BLTP1: variants seen among roughly 807,000 people sequenced by gnomAD.
BLTP1 encodes the protein bridge-like lipid transfer protein family member 1, also known as fragile site-associated protein.
the BLTP1 span, chr4:122,277,572 A>G: frequency 1.0e-6 from 1 of 958,630 alleles, no homozygotes; most frequent in Non-Finnish European, 1.2e-6. Flanking sequence ...GAAATCAAGA[A>G]AGATCGTATC....
At chr4:122,289,349 A>T in the BLTP1 span, 1 of 454,352 alleles carries the variant, frequency 2.2e-6, no homozygotes, top group South Asian at 9.3e-5. Flanking sequence ...TGGCTTTTCC[A>T]CCTACAGTGT....
At chr4:122,352,605 C>T in the BLTP1 span, among the ~76,000 whole-genome samples, 1 of 152,134 alleles carries the variant, frequency 6.6e-6, no homozygotes. Flanking sequence ...AATGATCCAC[C>T]CGCTACGGCT....
chr4:122,296,394 A>AGC, the BLTP1 span, among the ~76,000 whole-genome samples: 1 of 152,224 alleles, frequency 6.6e-6, no homozygotes, highest in Non-Finnish European at 1.5e-5. Flanking sequence ...AGAACTACAA[A>AGC]GCACTGCTCA....
chr4:122,189,171 C>CTTGT, the BLTP1 span: 16,974 of 810,884 alleles, frequency 0.021, 1,180 homozygotes, highest in African/African-American at 0.2. Context: ...GTATTTTTCA[C>CTTGT]TTAAGTGTGG....
the BLTP1 span, chr4:122,205,001 T>G: frequency 1.3e-5 from 2 of 156,452 alleles, no homozygotes; most frequent in African/African-American, 4.8e-5. Context: ...TCATTAATAT[T>G]AATTTGTGAT....
the BLTP1 span, chr4:122,167,652 A>G: frequency 3.0e-6 from 3 of 985,204 alleles, no homozygotes; most frequent in South Asian, 1.4e-4. Flanking sequence ...TATGCTCCTC[A>G]TCTCACTCTG....
At chr4:122,190,376 A>T in the BLTP1 span, 3 of 949,322 alleles carry the variant, frequency 3.2e-6, no homozygotes, top group Non-Finnish European at 3.8e-6. Context: ...GATTGTAGTC[A>T]TGAGCCCATG....
At chr4:122,268,597 T>C in the BLTP1 span, among the ~76,000 whole-genome samples, 1 of 152,198 alleles carries the variant, frequency 6.6e-6, no homozygotes, top group Non-Finnish European at 1.5e-5. Flanking sequence ...AGTATCAACA[T>C]TTCCATGGTC....
chr4:122,298,474 CAT>C, the BLTP1 span: 1 of 191,110 alleles, frequency 5.2e-6, no homozygotes, highest in South Asian at 1.8e-4. Flanking sequence ...CTCTCTATAA[CAT>C]AACTCATTCT....
At chr4:122,271,794 G>A in the BLTP1 span, 16 of 1,015,470 alleles carry the variant, frequency 1.6e-5, no homozygotes, top group South Asian at 2.1e-4. Context: ...GCAGAAGACT[G>A]TTCATCATGT....
chr4:122,291,018 T>A, the BLTP1 span: 2 of 545,724 alleles, frequency 3.7e-6, no homozygotes, highest in Non-Finnish European at 4.7e-6. Flanking sequence ...TCTCTTAAGG[T>A]AGTTTTGATT....
At chr4:122,297,607 C>T in the BLTP1 span, among the ~76,000 whole-genome samples, 8 of 152,060 alleles carry the variant, frequency 5.3e-5, no homozygotes, top group Admixed American at 4.6e-4. Context: ...TACATGCATG[C>T]GTATGTTCAT....
chr4:122,314,254 A>G, the BLTP1 span: 1 of 354,072 alleles, frequency 2.8e-6, no homozygotes, highest in African/African-American at 2.2e-5. Context: ...CAGTATTCAG[A>G]TTTGTCCAAT....
At chr4:122,313,743 T>A in the BLTP1 span, 4 of 1,050,646 alleles carry the variant, frequency 3.8e-6, no homozygotes, top group South Asian at 1.6e-5. Flanking sequence ...TTTATTTTAA[T>A]GGCAAGAGAA....
chr4:122,249,806 T>G, the BLTP1 span: 1 of 1,433,408 alleles, frequency 7.0e-7, no homozygotes, highest in Non-Finnish European at 9.3e-7. Flanking sequence ...AAGTGTGGTA[T>G]CTGGGATTAT....
chr4:122,266,621 A>G, the BLTP1 span: 1 of 183,034 alleles, frequency 5.5e-6, no homozygotes, highest in Non-Finnish European at 1.0e-5. Flanking sequence ...ATTTTAAGTA[A>G]AGTTAGAGTC....
At chr4:122,361,296 C>T in the BLTP1 span, among the ~76,000 whole-genome samples, 1 of 152,126 alleles carries the variant, frequency 6.6e-6, no homozygotes. Context: ...TTGGTCCTAC[C>T]TGCAGGGCAT....
At chr4:122,342,358 ATTTATTTT>A in the BLTP1 span, among the ~76,000 whole-genome samples, 1,012 of 151,368 alleles carry the variant, frequency 6.7e-3, 8 homozygotes, top group South Asian at 0.029. Context: ...TTATTTATTT[ATTTATTTT>A]TTTTTTTGAG....
chr4:122,157,343 G>A, the BLTP1 span, among the ~76,000 whole-genome samples: 3 of 152,088 alleles, frequency 2.0e-5, no homozygotes, highest in African/African-American at 7.2e-5. Context: ...GTTATCTAGG[G>A]TAGTGGTCCT....
Sources: allele counts gnomAD v4.1 joint callset (sites outside exome capture counted in the v4.1 genomes callset), GRCh38; gene constraint gnomAD v4.1.1; transcripts MANE v1.5; gene names NCBI Gene and HGNC (gene_info 2026-07-23, HGNC 2026-07-21).